Variants in COL4A3 observed in about 807,000 individuals in gnomAD.
COL4A3 encodes the protein collagen type IV alpha 3 chain, also known as collagen alpha-3(IV) chain.
COL4A3 carries 135 observed loss-of-function variants against 217.4 expected under a neutral mutation model. The observed-to-expected ratio is 0.62, with a 90% confidence interval of 0.54 to 0.72. The LOEUF (loss-of-function observed/expected upper bound fraction) is 0.72, where lower values mean the gene tolerates loss of function less well. Ranked by LOEUF, COL4A3 falls within the 30% of genes least tolerant of loss-of-function variation. The probability of loss-of-function intolerance (pLI) is 0.00; values close to 1 mark genes in which losing one functional copy is unlikely to be tolerated. For missense variants in COL4A3, 1,868 were observed against 2,119.9 expected, an observed-to-expected ratio of 0.88 and a Z score of 2.33; for synonymous variants, 690 against 736.3, an observed-to-expected ratio of 0.94 and a Z score of 1.02.
At chr2:227,296,005 A>C (rs1460334557) in intron 41 of COL4A3, among the ~76,000 whole-genome samples, 2 of 152,202 alleles carry the variant, frequency 1.3e-5, no homozygotes, top group Non-Finnish European at 2.9e-5. Flanking sequence ...CGTCCTATGA[A>C]TGGGAGCATT....
chr2:227,265,352 G>C (rs2070824591), intron 21 of COL4A3: 1 of 152,190 alleles, frequency 6.6e-6, no homozygotes, highest in African/African-American at 2.4e-5. Context: ...AAAATTAAAT[G>C]GTTCCAGTGG....
rs558504266 is a variant in COL4A3, at chr2:227,287,286, G to C, written c.2882-1864G>C. On this transcript the variant is annotated intron_variant, in intron 34 of 51. Coordinates refer to ENST00000396578, the MANE Select transcript of COL4A3 (RefSeq NM_000091.5). The stretch of plus-strand genomic sequence containing the variant: ...AACTCTACTAAAAATACAAAAATTA[G>C]CGGGCGTGGTGGCACACGCCTGTAA... Among the ~76,000 whole-genome samples the C allele has an allele frequency of 4.6e-5, 7 of 151,566 alleles. No homozygotes were observed. The South Asian group carries it at 1.0e-3, about 23-fold the overall frequency.
At chr2:227,301,420 T>A (rs2073282828) in intron 43 of COL4A3, among the ~76,000 whole-genome samples, 1 of 152,210 alleles carries the variant, frequency 6.6e-6, no homozygotes. Flanking sequence ...CATAGCTCAT[T>A]GTTAGGAATC....
At chr2:227,299,648 C>T (rs1174616139) in intron 43 of COL4A3, among the ~76,000 whole-genome samples, 1 of 152,128 alleles carries the variant, frequency 6.6e-6, no homozygotes, top group Non-Finnish European at 1.5e-5. Flanking sequence ...ATCAGATGGG[C>T]CTGGAGGCAG....
At chr2:227,267,388 AAC>A (rs1311694896) in intron 23 of COL4A3, among the ~76,000 whole-genome samples, 1 of 152,212 alleles carries the variant, frequency 6.6e-6, no homozygotes, top group Non-Finnish European at 1.5e-5. Context: ...AGCTGCATGA[AAC>A]ACACACCCTC....
At chr2:227,184,164 C>A (rs1033614800) in intron 1 of COL4A3, among the ~76,000 whole-genome samples, 1 of 152,116 alleles carries the variant, frequency 6.6e-6, no homozygotes, top group Non-Finnish European at 1.5e-5. Flanking sequence ...AGCCAAGAAG[C>A]CTCTTATATG....
chr2:227,210,058 A>G (rs1680835699), intron 1 of COL4A3, among the ~76,000 whole-genome samples: 1 of 149,966 alleles, frequency 6.7e-6, no homozygotes, highest in South Asian at 2.1e-4. Context: ...GAGTTCCTGT[A>G]AGTAAAGTTC....
At chr2:227,222,160 A>AATAATG (rs745323366) in intron 1 of COL4A3, among the ~76,000 whole-genome samples, 1 of 85,042 alleles carries the variant, frequency 1.2e-5, no homozygotes, top group Non-Finnish European at 2.5e-5. Flanking sequence ...TAATAATAAT[A>AATAATG]ATAATGATAA....
chr2:227,294,883 C>T, intron 39 of COL4A3, 81 bp from the exon 40 acceptor site: 4 of 1,070,302 alleles, frequency 3.7e-6, no homozygotes, highest in Non-Finnish European at 4.3e-6. Flanking sequence ...CCTGGTATTC[C>T]CATTAGGCCA....
At chr2:227,254,283 G>C (rs1038959623) in intron 14 of COL4A3, 109 bp downstream of exon 14, 12 of 991,140 alleles carry the variant, frequency 1.2e-5, no homozygotes, top group Admixed American at 2.1e-5. Flanking sequence ...AGAAAGTAAA[G>C]GAATAAAAGA....
intron 17 of COL4A3, 89 bp from the exon 18 acceptor site, chr2:227,257,514 T>C (rs2070261379): frequency 1.9e-6 from 2 of 1,035,642 alleles, no homozygotes; most frequent in Non-Finnish European, 1.5e-6. Context: ...CATATCAATA[T>C]ATTGTTCATT....
intron 1 of COL4A3, among the ~76,000 whole-genome samples, chr2:227,197,237 G>C (rs893426881): frequency 5.3e-5 from 8 of 152,122 alleles, no homozygotes; most frequent in African/African-American, 1.9e-4. Flanking sequence ...GTTTTTTTGA[G>C]ATGGAGTCTC....
chr2:227,224,951 G>A (rs774321655), intron 1 of COL4A3, among the ~76,000 whole-genome samples: 4 of 151,974 alleles, frequency 2.6e-5, no homozygotes, highest in African/African-American at 4.8e-5. Context: ...TCACTCTGTC[G>A]CCCAGGCTGG....
chr2:227,200,446 C>A (rs112642907), intron 1 of COL4A3, among the ~76,000 whole-genome samples: 1 of 152,158 alleles, frequency 6.6e-6, no homozygotes, highest in African/African-American at 2.4e-5. Flanking sequence ...ATAAGGCCAG[C>A]CCACACAAAT....
Position 227,249,212 on chromosome 2 carries a change from G to GTATATATATATATATATA in COL4A3, c.546+694_546+711dup, listed in dbSNP as rs1553751598. Among the ~76,000 whole-genome samples the GTATATATATATATATATA allele has an allele frequency of 1.5e-3, 49 of 33,202 alleles. 3 individuals carry two copies. The highest frequency in any genetic ancestry group is 2.0e-3 in the South Asian group (1 of 496). 21.8% of individuals were successfully genotyped at this position (33,202 alleles called of 152,430 possible). A position where few individuals can be genotyped will look rare whatever the true frequency, so the allele number is the denominator to read the frequency against. On this transcript the variant is annotated intron_variant, in intron 9 of 51. Transcript: ENST00000396578. ...AATTATATATAACCAAAATTAGCTA[G>GTATATATATATATATATA]TATATATATATATATATATTTTTTT... is the stretch of plus-strand genomic sequence containing the variant.
intron 49 of COL4A3, 32 bp downstream of exon 49, chr2:227,309,108 G>A: frequency 6.2e-7 from 1 of 1,612,704 alleles, no homozygotes; most frequent in Non-Finnish European, 8.5e-7. Flanking sequence ...TTTACAATGG[G>A]ACCAAGTGAA....
chr2:227,246,350 C>A (rs1227208492), intron 6 of COL4A3: 4 of 502,582 alleles, frequency 8.0e-6, no homozygotes, highest in Non-Finnish European at 1.1e-5. Flanking sequence ...TGTTCACTCA[C>A]CTCCTTTTGT....
chr2:227,240,096 G>A, intron 2 of COL4A3, 47 bp from the exon 3 acceptor site: 1 of 1,419,676 alleles, frequency 7.0e-7, no homozygotes, highest in South Asian at 1.2e-5. Context: ...TTTATTGTGG[G>A]ATAGTTGCTG....
At chr2:227,256,680 A>C in intron 17 of COL4A3, 1 of 577,032 alleles carries the variant, frequency 1.7e-6, no homozygotes, top group South Asian at 1.7e-5. Flanking sequence ...AAAAAATCCT[A>C]CAATTGTAGG....
Sources: allele counts gnomAD v4.1 joint callset (sites outside exome capture counted in the v4.1 genomes callset), GRCh38; gene constraint gnomAD v4.1.1; transcripts MANE v1.5; gene names NCBI Gene and HGNC (gene_info 2026-07-23, HGNC 2026-07-21).